HCRTR2: variants seen among roughly 807,000 people sequenced by gnomAD.
HCRTR2 encodes the protein orexin receptor type 2.
A neutral mutation model predicts 49.0 loss-of-function variants in HCRTR2; 22 were observed. The observed-to-expected ratio is 0.45, with a 90% confidence interval of 0.32 to 0.64. The LOEUF is 0.64. Among genes scored for constraint, HCRTR2 ranks in the 30% least tolerant of loss-of-function variants. HCRTR2 has a pLI of 0.04. For missense variants in HCRTR2, 491 were observed against 559.4 expected, an observed-to-expected ratio of 0.88 and a Z score of 1.23; for synonymous variants, 236 against 205.3, an observed-to-expected ratio of 1.15 and a Z score of -1.28.
At chr6:55,165,339 C>A (rs1764861336) in intron 1 of HCRTR2, among the ~76,000 whole-genome samples, 1 of 151,940 alleles carries the variant, frequency 6.6e-6, no homozygotes, top group Non-Finnish European at 1.5e-5. Flanking sequence ...CCAAAGAAGA[C>A]TACCTCAAGA....
intron 1 of HCRTR2, among the ~76,000 whole-genome samples, chr6:55,237,287 G>T (rs1454736479): frequency 6.6e-6 from 1 of 152,050 alleles, no homozygotes; most frequent in Non-Finnish European, 1.5e-5. Context: ...CTTTCACAGA[G>T]AATTTGCTTT....
At chr6:55,274,676 C>A (rs1013022888) in intron 4 of HCRTR2, among the ~76,000 whole-genome samples, 4 of 152,000 alleles carry the variant, frequency 2.6e-5, no homozygotes, top group African/African-American at 9.7e-5. Flanking sequence ...GCCAACACTG[C>A]ATTGCTAGAA....
At chr6:55,190,957 A>G (rs1452765686) in intron 1 of HCRTR2, among the ~76,000 whole-genome samples, 1 of 152,184 alleles carries the variant, frequency 6.6e-6, no homozygotes, top group Non-Finnish European at 1.5e-5. Flanking sequence ...CCAATTGACA[A>G]GCCAAGTAGT....
chr6:55,145,823 T>C (rs560659365), intron 1 of HCRTR2, among the ~76,000 whole-genome samples: 21 of 152,178 alleles, frequency 1.4e-4, no homozygotes, highest in African/African-American at 2.9e-4. Context: ...TTCTTACTTA[T>C]TTTTTTAAAA....
chr6:55,123,652 G>C (rs1457441788), intron 1 of HCRTR2, among the ~76,000 whole-genome samples: 2 of 152,076 alleles, frequency 1.3e-5, no homozygotes, highest in African/African-American at 2.4e-5. Context: ...AAATGAATTA[G>C]GGAGGATTCC....
intron 1 of HCRTR2, among the ~76,000 whole-genome samples, chr6:55,166,651 C>T (rs994205452): frequency 1.3e-5 from 2 of 152,016 alleles, no homozygotes; most frequent in African/African-American, 4.8e-5. Context: ...TTGTCAGTTC[C>T]TCAAACAGTT....
intron 1 of HCRTR2, among the ~76,000 whole-genome samples, chr6:55,223,716 T>A (rs1170672833): frequency 6.6e-6 from 1 of 152,162 alleles, no homozygotes; most frequent in African/African-American, 2.4e-5. Context: ...AAATTTAGGT[T>A]AAACTGTAGG....
chr6:55,196,775 T>C (rs1765424566), intron 1 of HCRTR2, among the ~76,000 whole-genome samples: 1 of 152,220 alleles, frequency 6.6e-6, no homozygotes, highest in African/African-American at 2.4e-5. Flanking sequence ...AAACTCTGAC[T>C]ACCTCTCCTC....
At chr6:55,262,994 T>C (rs1030400317) in intron 3 of HCRTR2, among the ~76,000 whole-genome samples, 2 of 151,614 alleles carry the variant, frequency 1.3e-5, no homozygotes, top group African/African-American at 4.8e-5. Context: ...ATATTCATAT[T>C]GGATTGGAGA....
At chr6:55,141,576 ATAT>A (rs1330259262) in intron 1 of HCRTR2, among the ~76,000 whole-genome samples, 2 of 152,198 alleles carry the variant, frequency 1.3e-5, no homozygotes, top group Non-Finnish European at 2.9e-5. Context: ...CTTTTGTAAA[ATAT>A]TATTTCTAGA....
At chr6:55,283,265 C>T (rs79067120), downstream of HCRTR2, among the ~76,000 whole-genome samples, 2,237 of 152,232 alleles carry the variant, frequency 0.015, 53 homozygotes, top group African/African-American at 0.05. Flanking sequence ...GAGATGGCGT[C>T]GATGCAAACA....
intron 1 of HCRTR2, among the ~76,000 whole-genome samples, chr6:55,195,302 A>G (rs1163865474): frequency 2.0e-5 from 3 of 152,230 alleles, no homozygotes; most frequent in Admixed American, 6.5e-5. Flanking sequence ...TTGAGGACTG[A>G]CAAAGTTTTA....
At chr6:55,234,498 T>A (rs984793542) in intron 1 of HCRTR2, among the ~76,000 whole-genome samples, 1 of 152,134 alleles carries the variant, frequency 6.6e-6, no homozygotes, top group Non-Finnish European at 1.5e-5. Context: ...TTAAATCAAG[T>A]TTATTAATTC....
In HCRTR2 at chr6:55,109,639, G is replaced by A. The variant is rs140794143; in HGVS notation, c.-378+3094G>A. On this transcript the variant is annotated intron_variant, in intron 1 of 7. Transcript: ENST00000615358. ...AAAGAATTTCAGAGCCCAAAGACAA[G>A]GATTTGAATTAACACAATCTGATAA... Among the ~76,000 whole-genome samples the A allele has an allele frequency of 4.7e-4, 71 of 151,306 alleles. No homozygotes were observed. In the East Asian group the frequency reaches 9.7e-3, roughly 21 times the overall value.
intron 1 of HCRTR2, among the ~76,000 whole-genome samples, chr6:55,199,491 G>C (rs931354989): frequency 3.3e-5 from 5 of 151,998 alleles, no homozygotes; most frequent in African/African-American, 1.2e-4. Flanking sequence ...AAACTGCAAA[G>C]TTATCTCCTT....
intron 1 of HCRTR2, among the ~76,000 whole-genome samples, chr6:55,223,259 G>C (rs142286987): frequency 5.9e-5 from 9 of 152,196 alleles, no homozygotes; most frequent in African/African-American, 1.7e-4. Context: ...TCTATGTGAT[G>C]CCAAACAATT....
chr6:55,254,670 A>T (rs1304759898), intron 2 of HCRTR2, among the ~76,000 whole-genome samples: 1 of 152,130 alleles, frequency 6.6e-6, no homozygotes, highest in South Asian at 2.1e-4. Context: ...TGTTAATTAA[A>T]TATAATTTCA....
intron 1 of HCRTR2, among the ~76,000 whole-genome samples, chr6:55,115,523 T>TACTAGC (rs1764104944): frequency 1.3e-5 from 2 of 151,070 alleles, no homozygotes; most frequent in African/African-American, 4.9e-5. Context: ...GTAGTAGTAG[T>TACTAGC]AGTAGTACTA....
intron 4 of HCRTR2, among the ~76,000 whole-genome samples, chr6:55,277,084 T>A (rs1562031304): frequency 6.6e-6 from 1 of 152,202 alleles, no homozygotes; most frequent in Non-Finnish European, 1.5e-5. Flanking sequence ...TCATTCTCCT[T>A]TCCCAAGCTT....
Sources: gnomAD v4.1 joint callset for allele counts (sites outside exome capture counted in the v4.1 genomes callset) on GRCh38, gnomAD v4.1.1 for gene constraint, MANE v1.5 for transcripts, NCBI Gene and HGNC (gene_info 2026-07-23, HGNC 2026-07-21) for gene names.